The following GALNT7 variants were observed in gnomAD, a reference collection of about 807,000 sequenced individuals.
GALNT7 encodes polypeptide N-acetylgalactosaminyltransferase 7.
A neutral mutation model predicts 82.1 loss-of-function variants in GALNT7; 60 were observed. The observed-to-expected ratio is 0.73, with a 90% CI of 0.59 to 0.91. The LOEUF (loss-of-function observed/expected upper bound fraction) is 0.91, where lower values mean the gene tolerates loss of function less well. Ranked by LOEUF, GALNT7 falls within the 40% of genes least tolerant of loss-of-function variation. The pLI is 0.00. For synonymous variants in GALNT7, 243 were observed against 275.1 expected (o/e 0.88, Z 1.15); for missense variants, 660 against 804.2 (o/e 0.82, Z 2.17).
At chr4:173,298,731 A>G (rs369572598) in intron 6 of GALNT7, among the ~76,000 whole-genome samples, 2 of 152,210 alleles carry the variant, frequency 1.3e-5, no homozygotes, top group Non-Finnish European at 2.9e-5. Flanking sequence ...AATGTTAACA[A>G]TGAAGGGCAC....
intron 2 of GALNT7, among the ~76,000 whole-genome samples, chr4:173,285,232 A>G (rs1232960090): frequency 6.6e-6 from 1 of 152,220 alleles, no homozygotes; most frequent in African/African-American, 2.4e-5. Context: ...CTTGCATGCA[A>G]ATCCATGTTC....
intron 2 of GALNT7, among the ~76,000 whole-genome samples, chr4:173,274,736 A>G (rs1735840026): frequency 6.6e-6 from 1 of 152,222 alleles, no homozygotes; most frequent in Non-Finnish European, 1.5e-5. Context: ...ATAAAAGGAG[A>G]TCACAATAAC....
chr4:173,247,295 C>G (rs183927939), intron 1 of GALNT7, among the ~76,000 whole-genome samples: 1 of 151,024 alleles, frequency 6.6e-6, no homozygotes, highest in African/African-American at 2.4e-5. Context: ...GAATGAATAT[C>G]CTTGTACAAA....
chr4:173,214,338 C>T (rs1452560115), intron 1 of GALNT7, among the ~76,000 whole-genome samples: 2 of 151,544 alleles, frequency 1.3e-5, no homozygotes, highest in African/African-American at 4.8e-5. Context: ...GTATTTCAGC[C>T]TCTGGATTTT....
chr4:173,296,642 C>T lies in GALNT7; in HGVS notation c.965+799C>T, dbSNP rs543153194. 7.9e-5 allele frequency among the ~76,000 whole-genome samples: 12 copies of T among 152,228 alleles called. No homozygotes were observed. In the East Asian group the frequency reaches 2.3e-3, roughly 29 times the overall value. On this transcript the variant is annotated intron_variant, in intron 5 of 11. Coordinates refer to ENST00000265000, the MANE Select transcript of GALNT7 (RefSeq NM_017423.3). Reference sequence around the variant, plus strand: ...GGCTTAGAGAAATTAAGTAATTTTCCCCAAATCAGAGAGCTAATAAACTGT... The same window carrying T: ...GGCTTAGAGAAATTAAGTAATTTTCTCCAAATCAGAGAGCTAATAAACTGT...
rs117617819 is a variant in GALNT7 at position 173,213,381 on chromosome 4, A to G, written c.127-34599A>G. Among the ~76,000 whole-genome samples, 619 of 152,206 alleles carry G rather than the reference A, an allele frequency of 4.1e-3. 12 individuals are homozygous for G. Among genetic ancestry groups the G allele is most frequent in the Admixed American group, 0.017 (266 of 15,288 alleles). On this transcript the variant is annotated intron_variant, in intron 1 of 11. Coordinates refer to ENST00000265000, the MANE Select transcript of GALNT7 (RefSeq NM_017423.3). The stretch of plus-strand genomic sequence containing the variant: ...TAGAAGGTACCTTGTTCAGAAGATT[A>G]TCAGGTTTAAGCAATTGCCATTCAA...
chr4:173,203,763 G>T (rs1018770018), intron 1 of GALNT7, among the ~76,000 whole-genome samples: 1 of 151,944 alleles, frequency 6.6e-6, no homozygotes, highest in Non-Finnish European at 1.5e-5. Flanking sequence ...CACATTTTAC[G>T]CTTTTGATGC....
At chr4:173,291,412 C>T (rs1355760663) in intron 2 of GALNT7, among the ~76,000 whole-genome samples, 3 of 152,164 alleles carry the variant, frequency 2.0e-5, no homozygotes, top group Non-Finnish European at 4.4e-5. Flanking sequence ...CTTTGGGTTA[C>T]ACTGCAAAGT....
At chr4:173,251,818 T>C (rs1280367092) in intron 2 of GALNT7, among the ~76,000 whole-genome samples, 3 of 152,220 alleles carry the variant, frequency 2.0e-5, no homozygotes, top group African/African-American at 7.2e-5. Context: ...AAATCTATTT[T>C]AGTAAATGCT....
chr4:173,314,277 G>A, intron 9 of GALNT7, 101 bp downstream of exon 9: 1 of 841,376 alleles, frequency 1.2e-6, no homozygotes, highest in South Asian at 1.5e-5. Context: ...TTGGGGAAAA[G>A]TTGGGGTAAA....
intron 1 of GALNT7, among the ~76,000 whole-genome samples, chr4:173,230,238 G>T (rs1164293342): frequency 6.6e-6 from 1 of 152,126 alleles, no homozygotes; most frequent in Non-Finnish European, 1.5e-5. Context: ...AGCAGCTTAT[G>T]TTCATCAACT....
At chr4:173,178,007 CTGTGTGTGTGTGTGTGTGTGTGTGTGTG>C (rs70944437) in intron 1 of GALNT7, among the ~76,000 whole-genome samples, 12 of 137,774 alleles carry the variant, frequency 8.7e-5, no homozygotes, top group South Asian at 2.4e-4. Context: ...ATCCGCAAGT[CTGTGTGTGTGTGTGTGTGTGTGTGTGTG>C]TGTGTGTGTG....
intron 1 of GALNT7, among the ~76,000 whole-genome samples, chr4:173,171,561 C>T (rs1309283838): frequency 6.6e-6 from 1 of 152,240 alleles, no homozygotes; most frequent in Non-Finnish European, 1.5e-5. Context: ...GGTCCTTTCT[C>T]ATCTGCACTA....
intron 2 of GALNT7, among the ~76,000 whole-genome samples, chr4:173,265,901 T>G (rs927888693): frequency 1.3e-5 from 2 of 152,064 alleles, no homozygotes; most frequent in Non-Finnish European, 2.9e-5. Context: ...ACATGGTAGC[T>G]TTTAAAGGGA....
intron 1 of GALNT7, among the ~76,000 whole-genome samples, chr4:173,198,124 A>C (rs1353146474): frequency 6.7e-6 from 1 of 148,416 alleles, no homozygotes; most frequent in East Asian, 2.0e-4. Context: ...CAGTGGTGTG[A>C]TCTCGGTTCA....
chr4:173,234,866 C>T (rs551686331), intron 1 of GALNT7, among the ~76,000 whole-genome samples: 73 of 152,266 alleles, frequency 4.8e-4, no homozygotes, highest in African/African-American at 1.7e-3. Context: ...CTCCCTGTCT[C>T]GCCATGTGAT....
chr4:173,297,181 G>A (rs1002846305), intron 5 of GALNT7, among the ~76,000 whole-genome samples: 1 of 149,832 alleles, frequency 6.7e-6, no homozygotes, highest in Non-Finnish European at 1.5e-5. Flanking sequence ...CACTTCTGAA[G>A]TTCTTCAGCA....
At chr4:173,253,584 C>A (rs887216013) in intron 2 of GALNT7, among the ~76,000 whole-genome samples, 6 of 152,054 alleles carry the variant, frequency 3.9e-5, no homozygotes, top group African/African-American at 1.4e-4. Context: ...AAAGGAGATT[C>A]AGTGTAAGAG....
At chr4:173,170,219 GT>G (rs1731814881) in intron 1 of GALNT7, among the ~76,000 whole-genome samples, 1 of 152,238 alleles carries the variant, frequency 6.6e-6, no homozygotes, top group Non-Finnish European at 1.5e-5. Context: ...GTAGGAGAGG[GT>G]ATGAGGGGCT....
Sources: gnomAD v4.1 joint callset for allele counts (sites outside exome capture counted in the v4.1 genomes callset) on GRCh38, gnomAD v4.1.1 for gene constraint, MANE v1.5 for transcripts, NCBI Gene and HGNC (gene_info 2026-07-23, HGNC 2026-07-21) for gene names.